Variants in FBXL7 observed in about 807,000 individuals in gnomAD.
The protein encoded by FBXL7 is F-box and leucine rich repeat protein 7, also known as F-box/LRR-repeat protein 7.
A neutral mutation model predicts 38.3 loss-of-function variants in FBXL7; 12 were observed. The ratio of observed to expected loss-of-function variants is 0.31; its 90% CI spans 0.20 to 0.51. The LOEUF is 0.51. Among genes scored for constraint, FBXL7 ranks in the 20% least tolerant of loss-of-function variants. The pLI is 0.98. For synonymous variants in FBXL7, 297 were observed against 300.9 expected (o/e 0.99, Z 0.13); for missense variants, 567 against 676.4 (o/e 0.84, Z 1.79).
intron 2 of FBXL7, among the ~76,000 whole-genome samples, chr5:15,634,089 G>T (rs1190468904): frequency 6.6e-6 from 1 of 151,762 alleles, no homozygotes; most frequent in Non-Finnish European, 1.5e-5. Context: ...CTGGGGCAAA[G>T]ATATTATGTA....
chr5:15,796,542 C>T (rs1410522672), intron 2 of FBXL7, among the ~76,000 whole-genome samples: 1 of 152,110 alleles, frequency 6.6e-6, no homozygotes, highest in African/African-American at 2.4e-5. Flanking sequence ...GGCATCAGTT[C>T]CTGATCCAAA....
chr5:15,935,881 C>G (rs1742169202), intron 3 of FBXL7, among the ~76,000 whole-genome samples: 1 of 152,198 alleles, frequency 6.6e-6, no homozygotes, highest in South Asian at 2.1e-4. Flanking sequence ...TGAGAAGCAG[C>G]AACGTTAAGC....
At chr5:15,595,048 T>G (rs1044309078) in intron 1 of FBXL7, among the ~76,000 whole-genome samples, 7 of 152,168 alleles carry the variant, frequency 4.6e-5, no homozygotes, top group Non-Finnish European at 8.8e-5. Context: ...GCAGTAAACT[T>G]CTCCCATGGG....
intron 2 of FBXL7, among the ~76,000 whole-genome samples, chr5:15,627,345 G>A (rs995687960): frequency 2.0e-5 from 3 of 152,174 alleles, no homozygotes; most frequent in Admixed American, 6.5e-5. Flanking sequence ...GGAAGCCTGG[G>A]ACTGTTGGCT....
At chr5:15,933,704 C>T (rs1299266211) in intron 3 of FBXL7, among the ~76,000 whole-genome samples, 1 of 152,078 alleles carries the variant, frequency 6.6e-6, no homozygotes, top group African/African-American at 2.4e-5. Flanking sequence ...GGTTTTTGAA[C>T]CTCATTATTC....
intron 1 of FBXL7, among the ~76,000 whole-genome samples, chr5:15,574,435 A>G (rs1359483240): frequency 1.3e-5 from 2 of 152,248 alleles, no homozygotes; most frequent in African/African-American, 4.8e-5. Flanking sequence ...GACTTTGGAT[A>G]TGTACTTCAT....
chr5:15,500,428 C>A lies in FBXL7; in HGVS notation c.-249C>A. 2 of 466,728 alleles carry A rather than the reference C, an allele frequency of 4.3e-6. No individual in the cohort carries two copies. Among genetic ancestry groups the A allele is most frequent in the African/African-American group, 2.1e-5 (1 of 47,342 alleles). 28.9% of individuals were successfully genotyped at this position (466,728 alleles called of 1,614,324 possible). A position where few individuals can be genotyped will look rare whatever the true frequency, so the allele number is the denominator to read the frequency against. ...GTGCGCGGCGCTGCGCCCGCCGGCC[C>A]CCAGCGCGGATTGTAAGTGCTGCAG... On this transcript the variant is annotated 5_prime_UTR_variant, in exon 1 of 4. Transcript: ENST00000504595.
At chr5:15,701,220 G>A (rs566429208) in intron 2 of FBXL7, among the ~76,000 whole-genome samples, 39 of 152,230 alleles carry the variant, frequency 2.6e-4, no homozygotes, top group African/African-American at 8.2e-4. Flanking sequence ...TTGAAAGACC[G>A]ACTACTTTCT....
intron 1 of FBXL7, among the ~76,000 whole-genome samples, chr5:15,614,561 C>T (rs954659644): frequency 2.2e-4 from 33 of 152,202 alleles, no homozygotes; most frequent in Admixed American, 1.1e-3. Flanking sequence ...CAAGCCACCG[C>T]GCCCATCCAG....
intron 2 of FBXL7, among the ~76,000 whole-genome samples, chr5:15,892,844 G>C (rs143922306): frequency 1.3e-5 from 2 of 152,106 alleles, no homozygotes; most frequent in African/African-American, 4.8e-5. Context: ...TAGGCCGGGC[G>C]CGGTGGCTCA....
At chr5:15,856,572 G>A (rs540380943) in intron 2 of FBXL7, among the ~76,000 whole-genome samples, 59 of 151,610 alleles carry the variant, frequency 3.9e-4, no homozygotes, top group African/African-American at 1.3e-3. Flanking sequence ...AAAAACTAGA[G>A]AATAAAGAAA....
At chr5:15,683,152 G>T (rs1183251940) in intron 2 of FBXL7, among the ~76,000 whole-genome samples, 2 of 152,132 alleles carry the variant, frequency 1.3e-5, no homozygotes, top group African/African-American at 2.4e-5. Context: ...CACAGCTTCG[G>T]GGCAACTAGA....
chr5:15,600,826 T>C (rs1739767586), intron 1 of FBXL7, among the ~76,000 whole-genome samples: 1 of 152,214 alleles, frequency 6.6e-6, no homozygotes, highest in South Asian at 2.1e-4. Context: ...ATGCTTTGTA[T>C]GAAAACCCTC....
intron 1 of FBXL7, among the ~76,000 whole-genome samples, chr5:15,521,959 T>G (rs1737107394): frequency 6.6e-6 from 1 of 152,232 alleles, no homozygotes; most frequent in South Asian, 2.1e-4. Flanking sequence ...AATACCATTT[T>G]CATTGCTGTT....
chr5:15,754,795 C>G (rs1736248102), intron 2 of FBXL7, among the ~76,000 whole-genome samples: 1 of 152,170 alleles, frequency 6.6e-6, no homozygotes, highest in South Asian at 2.1e-4. Context: ...CTAGACTCTA[C>G]TAGGCTCTTC....
chr5:15,515,652 A>T (rs113913550), intron 1 of FBXL7, among the ~76,000 whole-genome samples: 373 of 152,300 alleles, frequency 2.4e-3, no homozygotes, highest in Non-Finnish European at 4.0e-3. Flanking sequence ...TATAGTTGTT[A>T]TTGTCTGAAA....
intron 2 of FBXL7, among the ~76,000 whole-genome samples, chr5:15,621,206 C>G (rs1165391067): frequency 6.6e-6 from 1 of 152,154 alleles, no homozygotes; most frequent in Non-Finnish European, 1.5e-5. Flanking sequence ...GGGCTTTCTC[C>G]CTGATAAGTG....
chr5:15,619,129 G>A (rs1027814872), intron 2 of FBXL7, among the ~76,000 whole-genome samples: 7 of 152,300 alleles, frequency 4.6e-5, no homozygotes, highest in Admixed American at 2.0e-4. Flanking sequence ...AGCATGCGCA[G>A]TGTGTTTAGG....
At chr5:15,567,643 C>T (rs1249960838) in intron 1 of FBXL7, among the ~76,000 whole-genome samples, 5 of 151,806 alleles carry the variant, frequency 3.3e-5, no homozygotes, top group African/African-American at 7.2e-5. Flanking sequence ...ATGTGGACAA[C>T]GTGTGGGTTA....
Sources: gnomAD v4.1 joint callset for allele counts (sites outside exome capture counted in the v4.1 genomes callset) on GRCh38, gnomAD v4.1.1 for gene constraint, MANE v1.5 for transcripts, NCBI Gene and HGNC (gene_info 2026-07-23, HGNC 2026-07-21) for gene names.